OPCML: variants seen among roughly 807,000 people sequenced by gnomAD.
The protein encoded by OPCML is opioid binding protein/cell adhesion molecule like.
Under a neutral mutation model 37.8 loss-of-function variants are expected in OPCML, and 13 were observed. That is an observed-to-expected ratio of 0.34 (90% CI 0.22 to 0.55). The LOEUF (loss-of-function observed/expected upper bound fraction) is 0.55. Ranked by LOEUF, OPCML falls within the 20% of genes least tolerant of loss-of-function variation. OPCML has a pLI of 0.91. For synonymous variants in OPCML, 176 were observed against 168.8 expected (o/e 1.04, Z -0.33); for missense variants, 341 against 435.6 (o/e 0.78, Z 1.93).
chr11:132,907,093 C>T (rs1031949252), intron 2 of OPCML, among the ~76,000 whole-genome samples: 12 of 152,192 alleles, frequency 7.9e-5, no homozygotes, highest in Non-Finnish European at 1.6e-4. Flanking sequence ...TCACAGCCCT[C>T]TAACATATCG....
intron 4 of OPCML, among the ~76,000 whole-genome samples, chr11:132,463,443 G>A (rs1273970680): frequency 6.6e-6 from 1 of 152,128 alleles, no homozygotes; most frequent in African/African-American, 2.4e-5. Context: ...GTGTCCTTAG[G>A]GAACTAGCTA....
At chr11:132,959,723 C>G (rs1290617061) in intron 1 of OPCML, among the ~76,000 whole-genome samples, 1 of 152,152 alleles carries the variant, frequency 6.6e-6, no homozygotes, top group African/African-American at 2.4e-5. Context: ...TATACACAGG[C>G]TCAGATTTAG....
At chr11:133,416,088 A>C (rs575971820) in intron 1 of OPCML, among the ~76,000 whole-genome samples, 5 of 152,354 alleles carry the variant, frequency 3.3e-5, no homozygotes, top group Admixed American at 2.6e-4. Context: ...TAAGATAGTA[A>C]GTGTCTGCTG....
At chr11:132,455,061 C>T (rs1473189303) in intron 4 of OPCML, among the ~76,000 whole-genome samples, 1 of 152,142 alleles carries the variant, frequency 6.6e-6, no homozygotes, top group Non-Finnish European at 1.5e-5. Context: ...AGGTCGAACC[C>T]TGTCTCCTAA....
At chr11:133,305,988 C>T (rs892101262) in intron 1 of OPCML, among the ~76,000 whole-genome samples, 5 of 152,130 alleles carry the variant, frequency 3.3e-5, no homozygotes, top group African/African-American at 7.2e-5. Flanking sequence ...ACTGAAAGAA[C>T]GTCAGTGCTT....
chr11:133,272,558 G>A (rs1418852093), intron 1 of OPCML, among the ~76,000 whole-genome samples: 1 of 152,156 alleles, frequency 6.6e-6, no homozygotes, highest in African/African-American at 2.4e-5. Context: ...CCACGTGAAA[G>A]CCATGCTCCT....
chr11:132,806,614 C>G (rs1939027986), intron 2 of OPCML, among the ~76,000 whole-genome samples: 1 of 152,074 alleles, frequency 6.6e-6, no homozygotes, highest in Admixed American at 6.6e-5. Flanking sequence ...AAAGCAAAAA[C>G]TGACAAAATT....
At chr11:132,441,165 G>GTTTTTTGTTTTTTTTTTTTTTTT (rs2096031891) in intron 4 of OPCML, among the ~76,000 whole-genome samples, 2 of 72,400 alleles carry the variant, frequency 2.8e-5, no homozygotes, top group African/African-American at 1.1e-4. Flanking sequence ...GGACTTTTTT[G>GTTTTTTGTTTTTTTTTTTTTTTT]TTTTTTTTTT....
intron 1 of OPCML, among the ~76,000 whole-genome samples, chr11:133,508,929 C>T (rs895627641): frequency 4.6e-5 from 7 of 152,118 alleles, no homozygotes; most frequent in Admixed American, 3.3e-4. Flanking sequence ...ACGTGCCACT[C>T]CTAACTTATG....
chr11:132,812,620 C>T (rs1420330061), intron 2 of OPCML, among the ~76,000 whole-genome samples: 1 of 152,170 alleles, frequency 6.6e-6, no homozygotes, highest in African/African-American at 2.4e-5. Context: ...TTTTATCTGT[C>T]TATTAAAAGT....
chr11:132,739,007 C>A lies in OPCML; in HGVS notation c.147-81688G>T, dbSNP rs1784188. Among the ~76,000 whole-genome samples the A allele has an allele frequency of 3.5e-3, 538 of 152,222 alleles. 4 individuals carry two copies. Among genetic ancestry groups the A allele is most frequent in the Middle Eastern group, 6.8e-3 (2 of 292 alleles). On this transcript the variant is annotated intron_variant, in intron 2 of 7. Transcript: ENST00000524381. ...AAAAAAGCCTCCCACCCGCTAACCC[C>A]AGCACGTTTGCGTAAAAGCAGGCTT...
intron 1 of OPCML, among the ~76,000 whole-genome samples, chr11:133,015,048 CA>C (rs1947294553): frequency 6.6e-6 from 1 of 152,052 alleles, no homozygotes; most frequent in Non-Finnish European, 1.5e-5. Context: ...AACACAGTTA[CA>C]AATACAAAAG....
intron 2 of OPCML, among the ~76,000 whole-genome samples, chr11:132,710,930 T>C (rs1051507172): frequency 6.6e-6 from 1 of 151,970 alleles, no homozygotes; most frequent in Non-Finnish European, 1.5e-5. Flanking sequence ...GTAAGGGGTC[T>C]GGAGAGGTTT....
intron 2 of OPCML, among the ~76,000 whole-genome samples, chr11:132,738,143 C>T (rs1034852666): frequency 1.3e-5 from 2 of 152,180 alleles, no homozygotes; most frequent in African/African-American, 2.4e-5. Context: ...TTGCTATTCT[C>T]GCTTTAGAGA....
At chr11:133,274,956 A>T (rs1008575048) in intron 1 of OPCML, among the ~76,000 whole-genome samples, 1 of 152,018 alleles carries the variant, frequency 6.6e-6, no homozygotes, top group Admixed American at 6.5e-5. Context: ...GGACTTTTAG[A>T]TTTTGTCTTT....
At chr11:133,003,691 C>T (rs1187014272) in intron 1 of OPCML, 1 of 985,284 alleles carries the variant, frequency 1.0e-6, no homozygotes, top group South Asian at 4.7e-5. Context: ...CATTCTATTG[C>T]TTCCGGTAAT....
chr11:133,512,017 T>C (rs1948170399), intron 1 of OPCML, among the ~76,000 whole-genome samples: 1 of 152,202 alleles, frequency 6.6e-6, no homozygotes, highest in Non-Finnish European at 1.5e-5. Flanking sequence ...TGACACCAGA[T>C]GTTGTGGGGT....
At chr11:132,425,731 C>T (rs2095975797) in intron 7 of OPCML, among the ~76,000 whole-genome samples, 1 of 152,206 alleles carries the variant, frequency 6.6e-6, no homozygotes, top group South Asian at 2.1e-4. Flanking sequence ...GCAAGCTTGG[C>T]TCTGGCTGGT....
chr11:132,683,441 G>T (rs1253102114), intron 2 of OPCML, among the ~76,000 whole-genome samples: 1 of 152,138 alleles, frequency 6.6e-6, no homozygotes, highest in Non-Finnish European at 1.5e-5. Flanking sequence ...TTGATATGCT[G>T]CTCAGACTGG....
Sources: allele counts gnomAD v4.1 joint callset (sites outside exome capture counted in the v4.1 genomes callset), GRCh38; gene constraint gnomAD v4.1.1; transcripts MANE v1.5; gene names NCBI Gene and HGNC (gene_info 2026-07-23, HGNC 2026-07-21).